CDKL5: variants seen among roughly 807,000 people sequenced by gnomAD.
CDKL5 encodes the protein cyclin dependent kinase like 5, also known as cyclin-dependent kinase-like 5.
Under a neutral mutation model 61.7 loss-of-function variants are expected in CDKL5, and 8 were observed. The observed-to-expected ratio is 0.13, with a 90% CI of 0.08 to 0.23. The LOEUF (loss-of-function observed/expected upper bound fraction) is 0.23, where lower values mean the gene tolerates loss of function less well. CDKL5 is among the 10% of genes least tolerant of loss of function. The pLI is 1.00. For missense variants in CDKL5, 440 were observed against 734.5 expected (o/e 0.60, Z 4.63); for synonymous variants, 275 against 272.3 (o/e 1.01, Z -0.10).
At position 18,592,286 on chromosome X, in the gene CDKL5, A is replaced by G. The variant is rs190046980; in HGVS notation, c.745-3062A>G. Among the ~76,000 whole-genome samples the G allele has an allele frequency of 3.5e-3, 392 of 112,814 alleles. 2 individuals carry two copies. In the Middle Eastern group the frequency reaches 0.046, roughly 13 times the overall value. On this transcript the variant is annotated intron_variant, in intron 9 of 17. Transcript: ENST00000623535. ...AATAAAGTACTGCATTGTTTACCTC[A>G]TTGTACGGTTTTCTAATGTATCTCC...
chrX:18,634,092 C>T lies in CDKL5; in HGVS notation c.*5335C>T. 1.3e-6 allele frequency: 1 copy of T among 754,152 alleles called. No homozygotes were observed. Among genetic ancestry groups the T allele is most frequent in the Non-Finnish European group, 1.6e-6 (1 of 639,253 alleles). 62.2% of individuals were successfully genotyped at this position (754,152 alleles called of 1,213,427 possible). On this transcript the variant is annotated 3_prime_UTR_variant, in exon 18 of 18. Coordinates refer to ENST00000623535, the MANE Select transcript of CDKL5 (RefSeq NM_001323289.2). ...TAAGCTCTCGAAACCCCATTTGATC[C>T]TTGGTTCCTATTTCGATCCTCCTTT...
At chrX:18,579,593 C>T (rs1481478880) in intron 5 of CDKL5, among the ~76,000 whole-genome samples, 1 of 110,524 alleles carries the variant, frequency 9.0e-6, no homozygotes, top group Non-Finnish European at 1.9e-5. Context: ...TGCCTGAAAA[C>T]CTTTAGGGAG....
At chrX:18,595,531 G>C in intron 10 of CDKL5, 103 bp downstream of exon 10, 1 of 554,003 alleles carries the variant, frequency 1.8e-6, no homozygotes, top group Non-Finnish European at 3.2e-6. Context: ...AATTTTAGGA[G>C]ATGTGGAATG....
At chrX:18,440,513 G>C (rs925321126) in intron 1 of CDKL5, among the ~76,000 whole-genome samples, 15 of 111,237 alleles carry the variant, frequency 1.3e-4, no homozygotes, top group Non-Finnish European at 2.6e-4. Flanking sequence ...TGCTCTTGTT[G>C]CCCAGACTGT....
chrX:18,468,514 G>T (rs1181247631), intron 1 of CDKL5, among the ~76,000 whole-genome samples: 1 of 111,840 alleles, frequency 8.9e-6, no homozygotes, highest in Non-Finnish European at 1.9e-5. Context: ...CCAGCGGTGG[G>T]CCTTTAGTAA....
At chrX:18,521,581 C>T (rs181443572) in intron 3 of CDKL5, among the ~76,000 whole-genome samples, 14 of 111,731 alleles carry the variant, frequency 1.3e-4, no homozygotes, top group Admixed American at 1.0e-3. Context: ...ATATTTAAGG[C>T]GTACAAGTAC....
intron 1 of CDKL5, among the ~76,000 whole-genome samples, chrX:18,499,449 C>T (rs961326008): frequency 8.4e-5 from 9 of 106,860 alleles, no homozygotes; most frequent in Admixed American, 1.0e-4. Flanking sequence ...TAAGCTCCGC[C>T]TCCCGGGTTC....
chrX:18,514,792 T>C (rs1348325994), intron 3 of CDKL5, among the ~76,000 whole-genome samples: 1 of 111,009 alleles, frequency 9.0e-6, no homozygotes, highest in East Asian at 2.8e-4. Context: ...TGTATGTGTT[T>C]GTTTTTTTTG....
chrX:18,555,546 G>A (rs1044248643), intron 3 of CDKL5, among the ~76,000 whole-genome samples: 3 of 112,073 alleles, frequency 2.7e-5, no homozygotes, highest in African/African-American at 9.7e-5. Context: ...TCAAAAGGCA[G>A]GAGATCCACA....
chrX:18,551,559 C>CATCATT (rs1555946099), intron 3 of CDKL5, among the ~76,000 whole-genome samples: 4 of 80,977 alleles, frequency 4.9e-5, no homozygotes, highest in Admixed American at 1.5e-4. Context: ...GATACCTTGA[C>CATCATT]ATTATTATTA....
chrX:18,551,848 C>T, intron 3 of CDKL5, among the ~76,000 whole-genome samples: 1 of 108,664 alleles, frequency 9.2e-6, no homozygotes, highest in Non-Finnish European at 1.9e-5. Flanking sequence ...CTGCCTCGGC[C>T]TCCAAAAGTG....
At chrX:18,579,213 G>A (rs1925394720) in intron 5 of CDKL5, among the ~76,000 whole-genome samples, 1 of 111,215 alleles carries the variant, frequency 9.0e-6, no homozygotes, top group Non-Finnish European at 1.9e-5. Flanking sequence ...AGTAGAGACC[G>A]GCTAAGTGGA....
chrX:18,462,783 G>A (rs754031348), intron 1 of CDKL5, among the ~76,000 whole-genome samples: 182 of 111,677 alleles, frequency 1.6e-3, no homozygotes, highest in African/African-American at 5.6e-3. Flanking sequence ...CAGCATTTTG[G>A]GAGGCCTAGG....
At chrX:18,599,462 G>T (rs1255442706) in intron 11 of CDKL5, among the ~76,000 whole-genome samples, 1 of 112,074 alleles carries the variant, frequency 8.9e-6, no homozygotes, top group Non-Finnish European at 1.9e-5. Context: ...TTATTTTTTA[G>T]TTTTTTTAGA....
At chrX:18,471,328 A>G (rs375429634) in intron 1 of CDKL5, among the ~76,000 whole-genome samples, 2 of 111,845 alleles carry the variant, frequency 1.8e-5, no homozygotes, top group South Asian at 7.4e-4. Context: ...TTTGTGTTAC[A>G]AACAATCCAG....
At chrX:18,652,338 T>C (rs901093228) in intron 21 of CDKL5, among the ~76,000 whole-genome samples, 1 of 112,184 alleles carries the variant, frequency 8.9e-6, no homozygotes, top group East Asian at 2.8e-4. Flanking sequence ...ATTGAGTAGA[T>C]GCTAGAAGGC....
intron 15 of CDKL5, among the ~76,000 whole-genome samples, chrX:18,616,016 T>G (rs748058715): frequency 9.0e-6 from 1 of 111,625 alleles, no homozygotes; most frequent in African/African-American, 3.3e-5. Flanking sequence ...TCTTTACTAA[T>G]AGGATAACAC....
intron 3 of CDKL5, among the ~76,000 whole-genome samples, chrX:18,514,570 G>A (rs1922942632): frequency 1.8e-5 from 2 of 108,787 alleles, no homozygotes; most frequent in African/African-American, 6.7e-5. Flanking sequence ...AGCCGGGCGT[G>A]GGGGCGCATG....
At chrX:18,557,145 A>G (rs1023285384) in intron 3 of CDKL5, among the ~76,000 whole-genome samples, 4 of 111,688 alleles carry the variant, frequency 3.6e-5, no homozygotes, top group Non-Finnish European at 7.5e-5. Context: ...TGAATTGTAG[A>G]CTATAGATGG....
Sources: gnomAD v4.1 joint callset for allele counts (sites outside exome capture counted in the v4.1 genomes callset) on GRCh38, gnomAD v4.1.1 for gene constraint, MANE v1.5 for transcripts, NCBI Gene and HGNC (gene_info 2026-07-23, HGNC 2026-07-21) for gene names.